The following ZNF266 variants were observed in gnomAD, a reference collection of about 807,000 sequenced individuals.
ZNF266 encodes the protein zinc finger protein 266, also known as zinc finger protein 1.
A neutral mutation model predicts 16.4 loss-of-function variants in ZNF266; 16 were observed. The observed-to-expected ratio is 0.98, with a 90% CI of 0.66 to 1.48. The LOEUF (loss-of-function observed/expected upper bound fraction) is 1.48. Ranked by LOEUF, ZNF266 falls within the 40% of genes most tolerant of loss-of-function variation. ZNF266 has a pLI of 0.00. For synonymous variants in ZNF266, 262 were observed against 237.9 expected, an observed-to-expected ratio of 1.10 and a Z score of -0.93; for missense variants, 738 against 689.1, an observed-to-expected ratio of 1.07 and a Z score of -0.79.
Position 9,418,500 on chromosome 19 carries a change from C to T in ZNF266, c.235+5G>A. 6.2e-7 allele frequency: 1 copy of T among 1,614,166 alleles called. No homozygotes were observed. The highest frequency in any genetic ancestry group is 8.5e-7 in the Non-Finnish European group (1 of 1,179,990). ...GTAGGCTACAAGGGATGAGGCCAGT[C>T]TTACCTACTGTGGCCAAATTCTTGT... On this transcript the variant is annotated splice_donor_5th_base_variant and intron_variant, in intron 8 of 10. Coordinates refer to ENST00000592904, the MANE Select transcript of ZNF266 (RefSeq NM_001370374.1).
At chr19:9,429,848 T>G (rs9305082) in intron 5 of ZNF266, among the ~76,000 whole-genome samples, 85,619 of 151,980 alleles carry the variant, frequency 0.56, 24,336 homozygotes, top group Middle Eastern at 0.63. Context: ...CTGCCTCATG[T>G]CGGTAAACTC....
rs553129972 is a variant in ZNF266, at chr19:9,434,192, T to C, written c.-366A>G. 1 of 152,230 alleles carries C rather than the reference T, an allele frequency of 6.6e-6. No homozygotes were observed. Among genetic ancestry groups the C allele is most frequent in the Non-Finnish European group, 1.5e-5 (1 of 68,038 alleles). 9.4% of individuals were successfully genotyped at this position (152,230 alleles called of 1,614,324 possible). ...CCTTCAGTATGGCTAAATCATACCA[T>C]ATTTTTGGTCTCAGCTTGCATATCA... On this transcript the variant is annotated 5_prime_UTR_variant, in exon 4 of 11. In the 5' UTR this introduces an upstream ATG that the reference lacks. Transcript: ENST00000592904.
rs190969339 is a variant in ZNF266 at position 9,420,103 on chromosome 19, T to C, written c.-14A>G. The stretch of plus-strand genomic sequence containing the variant: ...AGTGGCTGCCATCCCACAGGGCTGA[T>C]GGCTGAATGTGCTTCAAAGCACCTT... On this transcript the variant is annotated 5_prime_UTR_variant, in exon 6 of 11. Coordinates refer to ENST00000592904, the MANE Select transcript of ZNF266 (RefSeq NM_001370374.1). 2 of 152,942 alleles carry C rather than the reference T, an allele frequency of 1.3e-5. No individual in the cohort carries two copies. The highest frequency in any genetic ancestry group is 2.4e-5 in the African/African-American group (1 of 41,556). The allele number at this position is 152,942 out of a possible 1,614,324, so 9.5% of individuals were successfully genotyped here.
intron 7 of ZNF266, 167 bp from the exon 8 acceptor site, chr19:9,418,798 G>A: frequency 1.9e-6 from 1 of 520,904 alleles, no homozygotes; most frequent in Non-Finnish European, 3.5e-6. Flanking sequence ...GGCTTGAATG[G>A]CACTTCTTAC....
At chr19:9,418,842 G>A (rs2069441885) in intron 7 of ZNF266, 1 of 417,974 alleles carries the variant, frequency 2.4e-6, no homozygotes, top group Non-Finnish European at 4.4e-6. Context: ...AGACTGGGAG[G>A]TCATCTGATT....
At chr19:9,435,013 C>G (rs1354187038) in intron 2 of ZNF266, 95 bp downstream of exon 2, 1 of 152,066 alleles carries the variant, frequency 6.6e-6, no homozygotes, top group Non-Finnish European at 1.5e-5. Flanking sequence ...TGTAGAGTGT[C>G]AAAAGTAAAT....
rs2072075958 is a variant in ZNF266, at chr19:9,434,115, A to G, written c.-289T>C. 6.6e-6 allele frequency: 1 copy of G among 152,216 alleles called. No homozygotes were observed. The highest frequency in any genetic ancestry group is 2.1e-4 in the South Asian group (1 of 4,826). The allele number at this position is 152,216 out of a possible 1,614,324, so 9.4% of individuals were successfully genotyped here. A position where few individuals can be genotyped will look rare whatever the true frequency, so the allele number is the denominator to read the frequency against. On this transcript the variant is annotated 5_prime_UTR_variant, in exon 4 of 11. Transcript: ENST00000592904. ...GATGCACTCCTCTCTCTCACCATAGAAGTGGAGTCAGCCAATTCACAGAAT... is the reference window on the plus strand; with the variant it reads ...GATGCACTCCTCTCTCTCACCATAGGAGTGGAGTCAGCCAATTCACAGAAT...
Position 9,413,530 on chromosome 19 carries a change from C to T in ZNF266, c.1596G>A (p.Thr532=), listed in dbSNP as rs751881195. The change falls in exon 11 of 11, where the codon ACG becomes ACA. Residue 532 remains threonine (T), a synonymous_variant. Coordinates refer to ENST00000592904, the MANE Select transcript of ZNF266 (RefSeq NM_001370374.1). ...TAAAAGCTTTGCCACATTCCATACA[C>T]GTGAATGGTTTTTTGGCGCTGTGGG... ...MRTHSAKKPF[T]CMECGKAFKF... is the part of the protein sequence containing the mutation. 6.2e-6 allele frequency: 10 copies of T among 1,613,146 alleles called. No homozygotes were observed. The East Asian group carries it at 6.7e-5, about 11-fold the overall frequency.
In ZNF266 at chr19:9,413,190, C is replaced by T. The variant is rs2068472970; in HGVS notation, c.*85G>A. The T allele has an allele frequency of 5.3e-6, 8 of 1,500,338 alleles. No individual in the cohort carries two copies. In the South Asian group the frequency reaches 8.4e-5, roughly 16 times the overall value. 92.9% of individuals were successfully genotyped at this position (1,500,338 alleles called of 1,614,324 possible). ...GACCTGAGATACAAAGTTGCTTCCA[C>T]ATTTTTACATTCATAGGGTTTCTCC... is the stretch of plus-strand genomic sequence containing the variant. On this transcript the variant is annotated 3_prime_UTR_variant, in exon 11 of 11. Coordinates refer to ENST00000592904, the MANE Select transcript of ZNF266 (RefSeq NM_001370374.1).
chr19:9,415,021 G>A (rs1349763106), intron 10 of ZNF266, among the ~76,000 whole-genome samples: 2 of 152,194 alleles, frequency 1.3e-5, no homozygotes, highest in African/African-American at 2.4e-5. Context: ...TTGGCTGGGC[G>A]CAGTGGCTCA....
Position 9,414,318 on chromosome 19 carries a change from T to C in ZNF266, c.808A>G (p.Ile270Val), listed in dbSNP as rs2068660563. Reference protein sequence around the residue: ...FIHSTDLAVRIQTHRSEKPYK... With the variant: ...FIHSTDLAVRVQTHRSEKPYK... Reference sequence around the variant, plus strand: ...GGTTTTTCTGACCTGTGAGTTTGTATACGCACAGCAAGGTCTGTGGAGTGA... The same window carrying C: ...GGTTTTTCTGACCTGTGAGTTTGTACACGCACAGCAAGGTCTGTGGAGTGA... Residue 270 changes from isoleucine to valine, a missense_variant, in exon 11 of 11, where the codon ATA becomes GTA. Physicochemically the swap from Ile to Val is conservative, Grantham distance 29 (BLOSUM62 3). Transcript: ENST00000592904. 3 of 1,614,080 alleles carry C rather than the reference T, an allele frequency of 1.9e-6. No homozygotes were observed. The highest frequency in any genetic ancestry group is 1.1e-5 in the South Asian group (1 of 91,074).
chr19:9,426,314 A>C (rs1475902024), intron 5 of ZNF266, among the ~76,000 whole-genome samples: 1 of 152,208 alleles, frequency 6.6e-6, no homozygotes, highest in East Asian at 1.9e-4. Flanking sequence ...GATACAAGCC[A>C]TTCTGAAGAT....
At chr19:9,434,993 T>C (rs1293599542) in intron 2 of ZNF266, 115 bp downstream of exon 2, 3 of 152,220 alleles carry the variant, frequency 2.0e-5, no homozygotes, top group Non-Finnish European at 4.4e-5. Context: ...GCTTTATGTT[T>C]CTACCTGAAT....
rs892318098 is a variant in ZNF266 at position 9,412,526 on chromosome 19, T to G, written c.*749A>C. The G allele has an allele frequency of 1.3e-5, 2 of 152,228 alleles. No individual in the cohort carries two copies. The highest frequency in any genetic ancestry group is 2.4e-5 in the African/African-American group (1 of 41,456). The allele number at this position is 152,228 out of a possible 1,614,324, so 9.4% of individuals were successfully genotyped here. On this transcript the variant is annotated 3_prime_UTR_variant, in exon 11 of 11. Coordinates refer to ENST00000592904, the MANE Select transcript of ZNF266 (RefSeq NM_001370374.1). ...TGGCCTGCGGGTTGGACAAGCTTGATCTAAAGCTTTTCCCAAGTTCCTCAC... is the reference window on the plus strand; with the variant it reads ...TGGCCTGCGGGTTGGACAAGCTTGAGCTAAAGCTTTTCCCAAGTTCCTCAC...
intron 5 of ZNF266, among the ~76,000 whole-genome samples, chr19:9,431,215 A>G (rs746747581): frequency 6.6e-6 from 1 of 152,148 alleles, no homozygotes; most frequent in Non-Finnish European, 1.5e-5. Context: ...TGTGGGTGTG[A>G]GGGCATTGGA....
chr19:9,414,874 G>A (rs190269882), intron 10 of ZNF266, among the ~76,000 whole-genome samples, 154 bp from the exon 11 acceptor site: 100 of 152,216 alleles, frequency 6.6e-4, no homozygotes, highest in Middle Eastern at 3.4e-3. Context: ...TCTTTCCAGC[G>A]GAATGACAAA....
chr19:9,415,091 T>TC (rs922889192), intron 10 of ZNF266, among the ~76,000 whole-genome samples: 1 of 152,132 alleles, frequency 6.6e-6, no homozygotes, highest in Non-Finnish European at 1.5e-5. Context: ...GGTCAAGAGT[T>TC]CAAGACCAGT....
intron 5 of ZNF266, among the ~76,000 whole-genome samples, chr19:9,422,443 T>C (rs2070066208): frequency 6.6e-6 from 1 of 152,182 alleles, no homozygotes; most frequent in Admixed American, 6.5e-5. Context: ...GGAAATGCAT[T>C]GAACTACTCA....
intron 5 of ZNF266, among the ~76,000 whole-genome samples, chr19:9,424,132 C>A (rs781572427): frequency 5.3e-5 from 8 of 151,844 alleles, no homozygotes; most frequent in Non-Finnish European, 1.0e-4. Context: ...AATGCCCCCC[C>A]CAGGGGGCAC....
Sources: gnomAD v4.1 joint callset for allele counts (sites outside exome capture counted in the v4.1 genomes callset) on GRCh38, gnomAD v4.1.1 for gene constraint, MANE v1.5 for transcripts, NCBI Gene and HGNC (gene_info 2026-07-23, HGNC 2026-07-21) for gene names.